ALDH1A2: variants seen among roughly 807,000 people sequenced by gnomAD.
ALDH1A2 encodes the protein retinal dehydrogenase 2.
Under a neutral mutation model 60.3 loss-of-function variants are expected in ALDH1A2, and 27 were observed. The ratio of observed to expected loss-of-function variants is 0.45; its 90% CI spans 0.33 to 0.62. ALDH1A2 has a LOEUF of 0.62. Ranked by LOEUF, ALDH1A2 falls within the 20% of genes least tolerant of loss-of-function variation. The pLI, the probability that ALDH1A2 is intolerant of heterozygous loss-of-function variation, is 0.02. For missense variants in ALDH1A2, 581 were observed against 643.8 expected, an observed-to-expected ratio of 0.90 and a Z score of 1.06; for synonymous variants, 289 against 232.4, an observed-to-expected ratio of 1.24 and a Z score of -2.21.
At chr15:57,981,255 A>G (rs1441169703) in intron 7 of ALDH1A2, among the ~76,000 whole-genome samples, 1 of 151,042 alleles carries the variant, frequency 6.6e-6, no homozygotes, top group Non-Finnish European at 1.5e-5. Flanking sequence ...AGCAAGCACG[A>G]AGGCAGTCTT....
At chr15:58,040,205 A>G (rs1896483026) in intron 1 of ALDH1A2, among the ~76,000 whole-genome samples, 1 of 151,960 alleles carries the variant, frequency 6.6e-6, no homozygotes. Flanking sequence ...ACCTCTCTGC[A>G]TATTCTGACG....
intron 1 of ALDH1A2, among the ~76,000 whole-genome samples, chr15:58,015,036 A>G (rs1895751200): frequency 6.6e-6 from 1 of 152,242 alleles, no homozygotes; most frequent in Non-Finnish European, 1.5e-5. Flanking sequence ...TAAATGAGTT[A>G]AAGGACAAGG....
chr15:58,011,088 T>C (rs538834746), intron 3 of ALDH1A2, among the ~76,000 whole-genome samples: 3 of 152,282 alleles, frequency 2.0e-5, no homozygotes, highest in South Asian at 2.1e-4. Context: ...GCTTCCGTTA[T>C]ATTAATGATC....
intron 7 of ALDH1A2, chr15:57,980,386 G>C: frequency 2.7e-6 from 1 of 370,268 alleles, no homozygotes; most frequent in South Asian, 2.6e-5. Context: ...AGTTGGAGAG[G>C]TTTTCCAGCT....
intron 1 of ALDH1A2, among the ~76,000 whole-genome samples, chr15:58,049,330 A>G (rs1234165769): frequency 3.3e-5 from 5 of 152,120 alleles, no homozygotes; most frequent in Non-Finnish European, 7.4e-5. Context: ...TAGATGTGTC[A>G]TTTAAACTTT....
chr15:58,063,952 T>G (rs1341724836), intron 1 of ALDH1A2, among the ~76,000 whole-genome samples: 2 of 146,124 alleles, frequency 1.4e-5, no homozygotes, highest in Admixed American at 1.4e-4. Flanking sequence ...AGTTAGGGAG[T>G]AAGAGAACTG....
intron 7 of ALDH1A2, among the ~76,000 whole-genome samples, chr15:57,967,369 A>G (rs954426021): frequency 6.6e-6 from 1 of 152,314 alleles, no homozygotes; most frequent in South Asian, 2.1e-4. Context: ...AAGTGTGCAG[A>G]CATGCTAACC....
intron 1 of ALDH1A2, chr15:58,058,185 C>A: frequency 1.1e-6 from 1 of 926,930 alleles, no homozygotes; most frequent in Non-Finnish European, 1.7e-6. Context: ...CAGGCAAAGC[C>A]TTCCCCTCCT....
In ALDH1A2 at chr15:58,060,567, T is replaced by C. The variant is rs187029247; in HGVS notation, c.117+4967A>G. On this transcript the variant is annotated intron_variant, in intron 1 of 12. Coordinates refer to ENST00000249750, the MANE Select transcript of ALDH1A2 (RefSeq NM_003888.4). ...TGTAACTGTCCATGTAGCTGATAAG[T>C]ACCTTTCTGACCAGGATTTGATCAA... Among the ~76,000 whole-genome samples, 365 of 146,862 alleles carry C rather than the reference T, an allele frequency of 2.5e-3. 3 individuals are homozygous for C. The highest frequency in any genetic ancestry group is 9.1e-3 in the African/African-American group (356 of 39,282).
intron 1 of ALDH1A2, among the ~76,000 whole-genome samples, chr15:58,028,758 T>A (rs1348807931): frequency 2.6e-5 from 4 of 152,054 alleles, no homozygotes; most frequent in South Asian, 4.1e-4. Flanking sequence ...AATCCCAGTC[T>A]GATGAAACAG....
At chr15:58,019,627 T>A (rs765295715) in intron 1 of ALDH1A2, among the ~76,000 whole-genome samples, 1 of 152,176 alleles carries the variant, frequency 6.6e-6, no homozygotes, top group Non-Finnish European at 1.5e-5. Context: ...CTATCTAATC[T>A]AGGTTTCTCA....
At chr15:57,993,534 G>C (rs1167236052) in intron 5 of ALDH1A2, among the ~76,000 whole-genome samples, 1 of 152,066 alleles carries the variant, frequency 6.6e-6, no homozygotes, top group African/African-American at 2.4e-5. Flanking sequence ...TGTATTTCAA[G>C]GTAGTACTTT....
chr15:58,034,913 G>A (rs957597651), intron 1 of ALDH1A2, among the ~76,000 whole-genome samples: 3 of 151,604 alleles, frequency 2.0e-5, no homozygotes, highest in African/African-American at 7.3e-5. Context: ...GTTCATGAGA[G>A]GTAATAGTTT....
At chr15:57,957,532 T>C (rs910764666) in intron 12 of ALDH1A2, among the ~76,000 whole-genome samples, 7 of 152,186 alleles carry the variant, frequency 4.6e-5, no homozygotes, top group African/African-American at 9.7e-5. Context: ...TTGTGGCACA[T>C]ACAGTTAACA....
At chr15:58,021,508 A>C (rs1254598592) in intron 1 of ALDH1A2, among the ~76,000 whole-genome samples, 16 of 152,156 alleles carry the variant, frequency 1.1e-4, no homozygotes. Context: ...AATTCTGGCC[A>C]CTTGAAAAGC....
intron 4 of ALDH1A2, 78 bp from the exon 5 acceptor site, chr15:57,995,217 C>CAAAAAAAAAAAAAAAAAGAAAAAA: frequency 3.5e-6 from 1 of 284,426 alleles, no homozygotes. Context: ...TTGGTGGCTG[C>CAAAAAAAAAAAAAAAAAGAAAAAA]AAAAAAAAAA....
At chr15:58,025,661 G>T (rs537794409) in intron 1 of ALDH1A2, among the ~76,000 whole-genome samples, 1 of 152,168 alleles carries the variant, frequency 6.6e-6, no homozygotes, top group Non-Finnish European at 1.5e-5. Context: ...TTGTATTGCC[G>T]TAAAGGAATA....
Position 57,992,719 on chromosome 15 carries a change from T to G in ALDH1A2, c.784A>C (p.Thr262Pro). Residue 262 changes from threonine (T) to proline (P), a missense_variant, in exon 7 of 13, where the codon ACA (threonine) becomes CCA (proline). Physicochemically the swap from Thr to Pro is conservative, Grantham distance 38 (BLOSUM62 -1). Transcript: ENST00000249750. ...CAGATACCTACCTCAGTAGACCCTG[T>G]GAATGCAATCTTGTCTATGCCAATG... The part of the protein sequence containing the change: ...SHIGIDKIAF[T>P]GSTEVGKLIQ... The G allele has an allele frequency of 6.2e-7, 1 of 1,614,110 alleles. No individual in the cohort carries two copies. Among genetic ancestry groups the G allele is most frequent in the Non-Finnish European group, 8.5e-7 (1 of 1,179,982 alleles).
In ALDH1A2 at chr15:57,955,420, G is replaced by A. The variant is rs1596060018; in HGVS notation, c.1485-151C>T. 4 of 770,650 alleles carry A rather than the reference G, an allele frequency of 5.2e-6. No homozygotes were observed. In the East Asian group the frequency reaches 1.0e-4, roughly 20 times the overall value. The allele number at this position is 770,650 out of a possible 1,614,324, so 47.7% of individuals were successfully genotyped here. A position where few individuals can be genotyped will look rare whatever the true frequency, so the allele number is the denominator to read the frequency against. ...AAATTCCTCACGTATGCGCAGCCCA[G>A]CCTTCCTCTGAGGGTCAGAGAAACT... On this transcript the variant is annotated intron_variant, in intron 12 of 12. Coordinates refer to ENST00000249750, the MANE Select transcript of ALDH1A2 (RefSeq NM_003888.4).
Sources: gnomAD v4.1 joint callset for allele counts (sites outside exome capture counted in the v4.1 genomes callset) on GRCh38, gnomAD v4.1.1 for gene constraint, MANE v1.5 for transcripts, NCBI Gene and HGNC (gene_info 2026-07-23, HGNC 2026-07-21) for gene names.